The following CCDC93 variants were observed in gnomAD, a reference collection of about 807,000 sequenced individuals.
CCDC93 encodes the protein CCC complex scaffolding subunit CCDC93.
In CCDC93, 61 loss-of-function variants were observed where a neutral mutation model predicts 108.2. The ratio of observed to expected loss-of-function variants is 0.56; its 90% CI spans 0.46 to 0.70. CCDC93 has a LOEUF of 0.70. Ranked by LOEUF, CCDC93 falls within the 30% of genes least tolerant of loss-of-function variation. CCDC93 has a pLI of 0.00. For synonymous variants in CCDC93, 276 were observed against 260.4 expected (o/e 1.06, Z -0.58); for missense variants, 685 against 764.2 (o/e 0.90, Z 1.22).
chr2:117,961,925 A>G (rs1044258762), intron 11 of CCDC93, among the ~76,000 whole-genome samples: 5 of 152,260 alleles, frequency 3.3e-5, no homozygotes, highest in South Asian at 2.1e-4. Flanking sequence ...TAAAGTGCCA[A>G]TCTAATTTGT....
At chr2:117,961,367 G>A (rs1022718756) in intron 11 of CCDC93, among the ~76,000 whole-genome samples, 29 of 152,118 alleles carry the variant, frequency 1.9e-4, no homozygotes, top group African/African-American at 7.0e-4. Context: ...AGTCCTGTGT[G>A]GAGTCCTGTA....
At chr2:117,953,218 A>G (rs991902984) in intron 12 of CCDC93, among the ~76,000 whole-genome samples, 1 of 152,260 alleles carries the variant, frequency 6.6e-6, no homozygotes, top group African/African-American at 2.4e-5. Context: ...GTTATTTCAA[A>G]GTAACATGCC....
At chr2:117,936,503 C>A in intron 21 of CCDC93, 199 bp downstream of exon 21, 1 of 560,262 alleles carries the variant, frequency 1.8e-6, no homozygotes, top group South Asian at 2.8e-5. Context: ...CTTCACTCTA[C>A]TATCATTATA....
chr2:117,962,171 C>T (rs4848476), intron 11 of CCDC93, among the ~76,000 whole-genome samples: 9,775 of 152,106 alleles, frequency 0.064, 464 homozygotes, highest in Admixed American at 0.14. Flanking sequence ...TGAAAGAAAC[C>T]CAAAAGGTTA....
At chr2:117,939,733 G>T (rs1254300932) in intron 19 of CCDC93, among the ~76,000 whole-genome samples, 1 of 152,164 alleles carries the variant, frequency 6.6e-6, no homozygotes, top group Non-Finnish European at 1.5e-5. Flanking sequence ...AAGGAAGTGT[G>T]ATCTGATCTC....
intron 23 of CCDC93, among the ~76,000 whole-genome samples, chr2:117,930,501 G>A (rs1479992733): frequency 6.6e-6 from 1 of 152,168 alleles, no homozygotes; most frequent in Non-Finnish European, 1.5e-5. Context: ...GCCTGGTGCT[G>A]GATGTTTCAA....
chr2:117,936,502 A>G (rs1678530019), intron 21 of CCDC93, 200 bp downstream of exon 21: 1 of 560,540 alleles, frequency 1.8e-6, no homozygotes, highest in African/African-American at 1.8e-5. Flanking sequence ...CCTTCACTCT[A>G]CTATCATTAT....
chr2:117,988,264 T>G (rs1035779487), intron 6 of CCDC93, among the ~76,000 whole-genome samples: 9 of 152,180 alleles, frequency 5.9e-5, no homozygotes, highest in African/African-American at 2.2e-4. Flanking sequence ...TTTGCCTGTC[T>G]GGGTTACAAG....
intron 4 of CCDC93, chr2:117,998,243 G>C (rs1346765967): frequency 6.6e-6 from 1 of 152,108 alleles, no homozygotes; most frequent in Non-Finnish European, 1.5e-5. Context: ...ACGGATGATG[G>C]GCTTCTAGAA....
intron 13 of CCDC93, 135 bp from the exon 14 acceptor site, chr2:117,949,530 G>A (rs531255138): frequency 1.2e-5 from 8 of 688,842 alleles, no homozygotes; most frequent in Non-Finnish European, 1.7e-5. Flanking sequence ...TGTAAAGTAG[G>A]TAATTACATC....
intron 23 of CCDC93, among the ~76,000 whole-genome samples, chr2:117,928,678 C>T (rs1403873498): frequency 6.6e-6 from 1 of 152,172 alleles, no homozygotes; most frequent in East Asian, 1.9e-4. Flanking sequence ...TAAACTAGTT[C>T]AACCATTGTG....
intron 5 of CCDC93, among the ~76,000 whole-genome samples, chr2:117,995,944 G>A (rs2104814851): frequency 6.6e-6 from 1 of 151,914 alleles, no homozygotes; most frequent in Non-Finnish European, 1.5e-5. Flanking sequence ...AGCTATTATT[G>A]TTTTTAATTA....
chr2:117,987,195 T>C (rs1048287567), intron 6 of CCDC93, among the ~76,000 whole-genome samples: 1 of 152,226 alleles, frequency 6.6e-6, no homozygotes, highest in Non-Finnish European at 1.5e-5. Context: ...ACCTTTCTTT[T>C]ACACTTTATA....
At chr2:117,995,596 C>A (rs1680622368) in intron 5 of CCDC93, 94 bp from the exon 6 acceptor site, 2 of 941,286 alleles carry the variant, frequency 2.1e-6, no homozygotes, top group Non-Finnish European at 3.4e-6. Flanking sequence ...GACTTCTCAT[C>A]TCATCACTAC....
intron 11 of CCDC93, among the ~76,000 whole-genome samples, chr2:117,965,424 T>G (rs1679531820): frequency 6.6e-6 from 1 of 152,172 alleles, no homozygotes; most frequent in Admixed American, 6.5e-5. Flanking sequence ...CCTGTTACTT[T>G]CTGGCCCAGG....
intron 3 of CCDC93, among the ~76,000 whole-genome samples, chr2:118,003,952 G>A (rs915683035): frequency 8.5e-5 from 13 of 152,162 alleles, no homozygotes; most frequent in Non-Finnish European, 1.6e-4. Flanking sequence ...ATTAGCAATT[G>A]CAGAGGTCAC....
chr2:117,954,118 G>A (rs1426137150), intron 12 of CCDC93, among the ~76,000 whole-genome samples: 3 of 152,102 alleles, frequency 2.0e-5, no homozygotes, highest in East Asian at 1.9e-4. Context: ...AAAGGTCCCC[G>A]GGATCTTCCC....
intron 11 of CCDC93, among the ~76,000 whole-genome samples, chr2:117,971,861 G>A (rs1365008025): frequency 6.6e-6 from 1 of 152,122 alleles, no homozygotes; most frequent in African/African-American, 2.4e-5. Context: ...AGGATTAAAG[G>A]CAATTTAATT....
chr2:117,973,893 TG>T lies in CCDC93; in HGVS notation c.888+14del. 6.3e-7 allele frequency: 1 copy of T among 1,597,210 alleles called. No individual in the cohort carries two copies. Among genetic ancestry groups the T allele is most frequent in the Non-Finnish European group, 8.6e-7 (1 of 1,168,710 alleles). The stretch of plus-strand genomic sequence containing the variant: ...CATTATCTGGGGCACAGACTCCAGC[TG>T]GGCCCCCACCTACCTTCTCTGCATA... On this transcript the variant is annotated intron_variant, in intron 11 of 23. Coordinates refer to ENST00000376300, the MANE Select transcript of CCDC93 (RefSeq NM_019044.5).
Sources: gnomAD v4.1 joint callset for allele counts (sites outside exome capture counted in the v4.1 genomes callset) on GRCh38, gnomAD v4.1.1 for gene constraint, MANE v1.5 for transcripts, NCBI Gene and HGNC (gene_info 2026-07-23, HGNC 2026-07-21) for gene names.